MAML3: variants seen among roughly 807,000 people sequenced by gnomAD.
MAML3 encodes mastermind like transcriptional coactivator 3, also known as mastermind-like protein 3.
In MAML3, 27 loss-of-function variants were observed where a neutral mutation model predicts 101.9. The ratio of observed to expected loss-of-function variants is 0.27; its 90% CI spans 0.20 to 0.37. The LOEUF is 0.37. Ranked by LOEUF, MAML3 falls within the 10% of genes least tolerant of loss-of-function variation. The pLI is 1.00. For synonymous variants in MAML3, 501 were observed against 555.9 expected (o/e 0.90, Z 1.39); for missense variants, 1,316 against 1,444.9 (o/e 0.91, Z 1.45).
intron 1 of MAML3, among the ~76,000 whole-genome samples, chr4:139,932,298 A>C (rs1733417105): frequency 6.6e-6 from 1 of 151,638 alleles, no homozygotes; most frequent in African/African-American, 2.4e-5. Flanking sequence ...AATTTGAACT[A>C]ACTGGAATGG....
At chr4:139,741,594 A>C (rs772022156) in intron 2 of MAML3, among the ~76,000 whole-genome samples, 39 of 151,922 alleles carry the variant, frequency 2.6e-4, no homozygotes, top group Non-Finnish European at 3.5e-4. Context: ...TAAAAATAAA[A>C]AAATTAGCTG....
chr4:140,029,755 T>C (rs1303970252), intron 1 of MAML3, among the ~76,000 whole-genome samples: 1 of 152,250 alleles, frequency 6.6e-6, no homozygotes, highest in East Asian at 1.9e-4. Flanking sequence ...AGGAAATATG[T>C]ATATTTTTCT....
chr4:139,818,150 C>T (rs753272320), intron 2 of MAML3, among the ~76,000 whole-genome samples: 1 of 152,172 alleles, frequency 6.6e-6, no homozygotes, highest in Non-Finnish European at 1.5e-5. Context: ...CCTAGAACCA[C>T]GCTTGGAGAA....
At chr4:140,047,490 A>G (rs1337052043) in intron 1 of MAML3, among the ~76,000 whole-genome samples, 1 of 152,210 alleles carries the variant, frequency 6.6e-6, no homozygotes, top group Non-Finnish European at 1.5e-5. Flanking sequence ...CAACCCAGAG[A>G]TGAAGGCGCG....
At chr4:140,124,813 G>T (rs1728660672) in intron 1 of MAML3, among the ~76,000 whole-genome samples, 1 of 152,158 alleles carries the variant, frequency 6.6e-6, no homozygotes, top group South Asian at 2.1e-4. Context: ...TGGTGCAGGT[G>T]GCAGAGCCAT....
intron 1 of MAML3, among the ~76,000 whole-genome samples, chr4:139,925,402 G>C (rs1733201742): frequency 6.6e-6 from 1 of 152,128 alleles, no homozygotes; most frequent in African/African-American, 2.4e-5. Context: ...GCTAATTTTT[G>C]TATTTTTAGT....
chr4:140,011,976 A>C (rs111760478), intron 1 of MAML3, among the ~76,000 whole-genome samples: 3 of 152,046 alleles, frequency 2.0e-5, no homozygotes, highest in African/African-American at 7.2e-5. Flanking sequence ...GTCTAAGTTC[A>C]TTTTTATCAT....
At chr4:139,747,944 C>G (rs1273226482) in intron 2 of MAML3, among the ~76,000 whole-genome samples, 4 of 149,332 alleles carry the variant, frequency 2.7e-5, no homozygotes, top group Non-Finnish European at 1.5e-5. Flanking sequence ...ATCCCAGCTA[C>G]TTGGGAGGCT....
chr4:139,831,567 T>C (rs1578621958), intron 2 of MAML3, among the ~76,000 whole-genome samples: 2 of 152,164 alleles, frequency 1.3e-5, no homozygotes, highest in Admixed American at 1.3e-4. Flanking sequence ...TTGCTGACTC[T>C]AGTGATCAAG....
At chr4:139,999,752 C>A (rs1043235828) in intron 1 of MAML3, among the ~76,000 whole-genome samples, 1 of 152,122 alleles carries the variant, frequency 6.6e-6, no homozygotes, top group Non-Finnish European at 1.5e-5. Flanking sequence ...TTTTTGAGTG[C>A]TTAAGAACCA....
chr4:139,988,342 A>G (rs1194712353), intron 1 of MAML3, among the ~76,000 whole-genome samples: 2 of 151,456 alleles, frequency 1.3e-5, no homozygotes, highest in Non-Finnish European at 2.9e-5. Context: ...AAAAAAAAAA[A>G]AAAAAAAAGA....
intron 1 of MAML3, among the ~76,000 whole-genome samples, chr4:139,946,645 A>G (rs899967817): frequency 3.3e-5 from 5 of 152,162 alleles, no homozygotes; most frequent in African/African-American, 1.2e-4. Flanking sequence ...GCATTGCTTA[A>G]ACAAAAATCA....
chr4:140,093,064 G>A (rs1054299031), intron 1 of MAML3, among the ~76,000 whole-genome samples: 2 of 152,260 alleles, frequency 1.3e-5, no homozygotes, highest in African/African-American at 4.8e-5. Context: ...TATAGGTCTC[G>A]CTGCTCTTTT....
At chr4:139,946,889 C>CCACACACAAACACACACA (rs1733738096) in intron 1 of MAML3, among the ~76,000 whole-genome samples, 1 of 126,842 alleles carries the variant, frequency 7.9e-6, no homozygotes, top group Non-Finnish European at 1.7e-5. Context: ...GCAGAGTAAG[C>CCACACACAAACACACACA]CACACACACA....
At chr4:140,072,875 G>GTTGCCACT (rs1727685375) in intron 1 of MAML3, among the ~76,000 whole-genome samples, 2 of 152,274 alleles carry the variant, frequency 1.3e-5, no homozygotes, top group South Asian at 2.1e-4. Context: ...GCTGCATGAA[G>GTTGCCACT]TTGCCACTTC....
chr4:139,801,633 G>GGGGTGTGTGTGTGTGT (rs1553957606), intron 2 of MAML3, among the ~76,000 whole-genome samples: 3 of 146,388 alleles, frequency 2.0e-5, no homozygotes, highest in African/African-American at 7.7e-5. Context: ...GCAGGAACAG[G>GGGGTGTGTGTGTGTGT]GTGTGTGTGG....
intron 2 of MAML3, among the ~76,000 whole-genome samples, chr4:139,859,407 AT>A (rs1731726243): frequency 6.8e-6 from 1 of 146,648 alleles, no homozygotes; most frequent in Non-Finnish European, 1.5e-5. Context: ...GGGTTTCACT[AT>A]ATTGCTCAGG....
intron 1 of MAML3, among the ~76,000 whole-genome samples, chr4:139,927,234 A>G (rs761439040): frequency 2.0e-5 from 3 of 151,684 alleles, no homozygotes; most frequent in Non-Finnish European, 4.4e-5. Flanking sequence ...TGTTTAATGG[A>G]CTGGAATGAG....
rs199918982 is a variant in MAML3, at chr4:139,967,700, TG to T, written c.469-76734del. ...TACAAAATCATAGTGTCTGCAGGAC[TG>T]GATTCTGGTTGGCACAGGTTTGGAA... is the stretch of plus-strand genomic sequence containing the variant. On this transcript the variant is annotated intron_variant, in intron 1 of 4. Transcript: ENST00000509479. Among the ~76,000 whole-genome samples the T allele has an allele frequency of 8.3e-3, 1,271 of 152,222 alleles. 22 individuals carry two copies. The highest frequency in any genetic ancestry group is 0.03 in the African/African-American group (1,246 of 41,550).
Sources: allele counts gnomAD v4.1 joint callset (sites outside exome capture counted in the v4.1 genomes callset), GRCh38; gene constraint gnomAD v4.1.1; transcripts MANE v1.5; gene names NCBI Gene and HGNC (gene_info 2026-07-23, HGNC 2026-07-21).